RAB11FIP3: variants seen among roughly 807,000 people sequenced by gnomAD.
The protein encoded by RAB11FIP3 is rab11 family-interacting protein 3.
In RAB11FIP3, 17 loss-of-function variants were observed where a neutral mutation model predicts 77.8. The observed-to-expected ratio is 0.22, with a 90% CI of 0.15 to 0.33. The LOEUF is 0.33. RAB11FIP3 is among the 10% of genes least tolerant of loss of function. The probability of loss-of-function intolerance (pLI) is 1.00; values close to 1 mark genes in which losing one functional copy is unlikely to be tolerated. For missense variants in RAB11FIP3, 1,005 were observed against 1,011.2 expected, an observed-to-expected ratio of 0.99 and a Z score of 0.08; for synonymous variants, 437 against 448.2, an observed-to-expected ratio of 0.98 and a Z score of 0.31.
At chr16:512,539 C>CT (rs766027431) in intron 9 of RAB11FIP3, among the ~76,000 whole-genome samples, 1,295 of 105,558 alleles carry the variant, frequency 0.012, 19 homozygotes, top group South Asian at 0.023. Context: ...CGCGCCCGGC[C>CT]TTTTTTTTTT....
At chr16:451,040 C>T (rs1226393219) in intron 1 of RAB11FIP3, among the ~76,000 whole-genome samples, 1 of 152,078 alleles carries the variant, frequency 6.6e-6, no homozygotes, top group South Asian at 2.1e-4. Context: ...ATCATGTTTG[C>T]TGAAAGCTTG....
chr16:511,917 G>A (rs1283741136), intron 9 of RAB11FIP3, among the ~76,000 whole-genome samples: 7 of 124,510 alleles, frequency 5.6e-5, no homozygotes, highest in African/African-American at 2.2e-4. Context: ...AGGCCAGGTA[G>A]GAGAAGTTCC....
At chr16:487,991 C>T (rs949559679) in intron 4 of RAB11FIP3, among the ~76,000 whole-genome samples, 6 of 152,036 alleles carry the variant, frequency 3.9e-5, no homozygotes, top group East Asian at 1.9e-4. Flanking sequence ...TGTGGGGCTG[C>T]GGAACTTGTG....
rs202215358 is a variant in RAB11FIP3, at chr16:492,392, CT to C, written c.1265+3393del. On this transcript the variant is annotated intron_variant, in intron 5 of 13. Coordinates refer to ENST00000262305, the MANE Select transcript of RAB11FIP3 (RefSeq NM_014700.4). ...GGGAGACCCGAGGCCGCCCAGAGCCCTCCCCGGGAGACCCGAGGCCGCCCAG... is the reference window on the plus strand; with the variant it reads ...GGGAGACCCGAGGCCGCCCAGAGCCCCCCCGGGAGACCCGAGGCCGCCCAG... Among the ~76,000 whole-genome samples the C allele has an allele frequency of 2.9e-3, 376 of 131,796 alleles. 6 individuals carry two copies. The highest frequency in any genetic ancestry group is 0.011 in the African/African-American group (328 of 28,896). The allele number at this position is 131,796 out of a possible 152,430, so 86.5% of individuals were successfully genotyped here.
At chr16:435,270 T>A (rs867229868) in intron 1 of RAB11FIP3, among the ~76,000 whole-genome samples, 3 of 150,488 alleles carry the variant, frequency 2.0e-5, no homozygotes, top group African/African-American at 7.4e-5. Context: ...ACAGGAAGAG[T>A]TTAGTTCTGT....
intron 1 of RAB11FIP3, among the ~76,000 whole-genome samples, chr16:431,902 G>A (rs191325481): frequency 2.6e-5 from 4 of 151,876 alleles, no homozygotes; most frequent in Admixed American, 1.3e-4. Flanking sequence ...GACTACAGGC[G>A]CCCGCCACCC....
intron 2 of RAB11FIP3, among the ~76,000 whole-genome samples, chr16:466,776 T>A (rs953812380): frequency 5.3e-5 from 8 of 152,218 alleles, no homozygotes; most frequent in Non-Finnish European, 1.2e-4. Flanking sequence ...TGCTGTCACC[T>A]GGGCCAATCC....
At chr16:519,564 C>T (rs2032575271) in intron 10 of RAB11FIP3, among the ~76,000 whole-genome samples, 190 bp from the exon 11 acceptor site, 1 of 152,236 alleles carries the variant, frequency 6.6e-6, no homozygotes, top group Non-Finnish European at 1.5e-5. Context: ...GCGCCTCTAC[C>T]CAGAAGCAGG....
rs1466672904 is a variant in RAB11FIP3, at chr16:520,137, C to A, written c.1876C>A (p.Arg626=). The change falls in exon 12 of 14, where the codon CGA becomes AGA. Residue 626 remains arginine (R), a synonymous_variant. Coordinates refer to ENST00000262305, the MANE Select transcript of RAB11FIP3 (RefSeq NM_014700.4). ...TGCCCTGCAGCTGATCGAGGACCTC[C>A]GAAAGCAGCTGGAGCACCTGCAGCT... ...EATQELIEDL[R]KQLEHLQLLK... is the part of the protein sequence containing the mutation. The A allele has an allele frequency of 6.5e-7, 1 of 1,546,142 alleles. No individual in the cohort carries two copies. The highest frequency in any genetic ancestry group is 2.4e-5 in the East Asian group (1 of 41,044).
intron 1 of RAB11FIP3, among the ~76,000 whole-genome samples, chr16:448,869 C>G (rs775598597): frequency 2.6e-5 from 4 of 151,216 alleles, no homozygotes; most frequent in African/African-American, 4.9e-5. Context: ...GAGCCAAGAT[C>G]GCACCACTGC....
At chr16:428,363 C>T (rs1220600966) in intron 1 of RAB11FIP3, among the ~76,000 whole-genome samples, 1 of 152,108 alleles carries the variant, frequency 6.6e-6, no homozygotes, top group Non-Finnish European at 1.5e-5. Context: ...TCCTTCTTGC[C>T]CCTGGGCTGG....
At chr16:467,235 C>T (rs1377666612) in intron 2 of RAB11FIP3, among the ~76,000 whole-genome samples, 1 of 152,162 alleles carries the variant, frequency 6.6e-6, no homozygotes, top group African/African-American at 2.4e-5. Flanking sequence ...GTTTGGAGGC[C>T]ACAGGGAGGC....
At chr16:462,194 T>G (rs925790572) in intron 2 of RAB11FIP3, among the ~76,000 whole-genome samples, 4 of 152,210 alleles carry the variant, frequency 2.6e-5, no homozygotes, top group African/African-American at 9.7e-5. Flanking sequence ...ATTGCTGATT[T>G]CTGTCACCAT....
rs2055826573 is a variant in RAB11FIP3 at position 472,465 on chromosome 16, C to T, written c.903+1076C>T. 6.6e-6 allele frequency among the ~76,000 whole-genome samples: 1 copy of T among 152,182 alleles called. No homozygotes were observed. Among genetic ancestry groups the T allele is most frequent in the Non-Finnish European group, 1.5e-5 (1 of 68,028 alleles). On this transcript the variant is annotated intron_variant, in intron 3 of 13. Coordinates refer to ENST00000262305, the MANE Select transcript of RAB11FIP3 (RefSeq NM_014700.4). This position sits in a 1 kb window ranked among gnomAD's most constrained non-coding sequence, Gnocchi z 4.1. The stretch of plus-strand genomic sequence containing the variant: ...AAGAGGGCGTGTGGTGGGAGTTGGA[C>T]CCTCTCGCATGGCTGCAGTGTGCAG...
At chr16:474,250 TGATA>T (rs1384645856) in intron 3 of RAB11FIP3, among the ~76,000 whole-genome samples, 1 of 152,168 alleles carries the variant, frequency 6.6e-6, no homozygotes, top group Non-Finnish European at 1.5e-5. Flanking sequence ...GTTGATTGAT[TGATA>T]TTCTGAATGG....
In RAB11FIP3 at chr16:427,049, T is replaced by G. The variant is rs190069807; in HGVS notation, c.714+329T>G. Among the ~76,000 whole-genome samples, 124 of 151,466 alleles carry G rather than the reference T, an allele frequency of 8.2e-4. No individual in the cohort carries two copies. The East Asian group carries it at 0.02, about 24-fold the overall frequency. ...GGGCCTGATCGCCACCCCCCCAGGG[T>G]GCCTGATCGACGTGCCCCTGAATGA... On this transcript the variant is annotated intron_variant, in intron 1 of 13. Transcript: ENST00000262305.
chr16:468,479 C>T (rs113878260), intron 2 of RAB11FIP3, among the ~76,000 whole-genome samples: 2 of 152,166 alleles, frequency 1.3e-5, no homozygotes, highest in African/African-American at 4.8e-5. Flanking sequence ...TATTTCATAG[C>T]ATTTAGAAGA....
intron 1 of RAB11FIP3, among the ~76,000 whole-genome samples, chr16:457,569 C>T (rs976069370): frequency 1.3e-5 from 2 of 149,518 alleles, no homozygotes; most frequent in African/African-American, 5.0e-5. Context: ...AGAATTAGAA[C>T]TATCCCCAAA....
chr16:437,570 CA>C (rs34184576), intron 1 of RAB11FIP3, among the ~76,000 whole-genome samples: 763 of 58,982 alleles, frequency 0.013, 4 homozygotes, highest in African/African-American at 0.054. Flanking sequence ...AACTCCATCT[CA>C]AAAAAAAAAA....
Sources: gnomAD v4.1 joint callset for allele counts (sites outside exome capture counted in the v4.1 genomes callset) on GRCh38, gnomAD v4.1.1 for gene constraint, Gnocchi (gnomAD v3.1) non-coding constraint, MANE v1.5 for transcripts, NCBI Gene and HGNC (gene_info 2026-07-23, HGNC 2026-07-21) for gene names.